Variants in TENM3 observed in about 807,000 individuals in gnomAD.
The protein encoded by TENM3 is teneurin-3.
In TENM3, 63 loss-of-function variants were observed where a neutral mutation model predicts 255.1. The ratio of observed to expected loss-of-function variants is 0.25; its 90% CI spans 0.20 to 0.30. The LOEUF (loss-of-function observed/expected upper bound fraction) is 0.30, where lower values mean the gene tolerates loss of function less well. TENM3 is among the 10% of genes least tolerant of loss of function. The pLI is 1.00. For synonymous variants in TENM3, 1,306 were observed against 1,322.3 expected, an observed-to-expected ratio of 0.99 and a Z score of 0.27; for missense variants, 2,929 against 3,461.1, an observed-to-expected ratio of 0.85 and a Z score of 3.86.
chr4:182,010,018 C>T, the TENM3 span, among the ~76,000 whole-genome samples: 101,629 of 151,966 alleles, frequency 0.67, 34,843 homozygotes, highest in Non-Finnish European at 0.74. Context: ...CCGTGGGTCC[C>T]GCCAGCTTTC....
chr4:181,627,827 T>C, the TENM3 span, among the ~76,000 whole-genome samples: 2 of 152,188 alleles, frequency 1.3e-5, no homozygotes, highest in African/African-American at 4.8e-5. Flanking sequence ...GGCAGCATGA[T>C]TTATAATCCT....
chr4:181,881,864 G>A, the TENM3 span, among the ~76,000 whole-genome samples: 1 of 152,128 alleles, frequency 6.6e-6, no homozygotes, highest in Admixed American at 6.5e-5. Context: ...TGGGCATCTA[G>A]ACCATAAAAA....
chr4:182,417,690 T>G (rs949977265), intron 3 of TENM3, among the ~76,000 whole-genome samples: 1 of 152,194 alleles, frequency 6.6e-6, no homozygotes, highest in African/African-American at 2.4e-5. Context: ...AAAATAGGTA[T>G]TAGGACAACA....
intron 1 of TENM3, among the ~76,000 whole-genome samples, chr4:182,307,763 G>A (rs1213578195): frequency 1.3e-5 from 2 of 152,142 alleles, no homozygotes; most frequent in African/African-American, 4.8e-5. Context: ...TTGTTGTTGT[G>A]GTTTAATATT....
chr4:182,251,401 C>T (rs2150117518), intron 1 of TENM3, among the ~76,000 whole-genome samples: 1 of 152,142 alleles, frequency 6.6e-6, no homozygotes, highest in East Asian at 1.9e-4. Flanking sequence ...CCAGGTGGTC[C>T]AGGTTGCGGT....
chr4:181,804,977 C>T, the TENM3 span, among the ~76,000 whole-genome samples: 4 of 152,144 alleles, frequency 2.6e-5, no homozygotes, highest in Non-Finnish European at 5.9e-5. Context: ...TCACCCGTCC[C>T]CTGATTCTCC....
chr4:182,720,625 A>G (rs936728556), intron 13 of TENM3, among the ~76,000 whole-genome samples: 56 of 152,342 alleles, frequency 3.7e-4, no homozygotes, highest in African/African-American at 1.3e-3. Context: ...AAGAACATCC[A>G]GCTTGTGCCC....
chr4:182,147,000 A>G (rs1329212347), intron 1 of TENM3, among the ~76,000 whole-genome samples: 2 of 152,176 alleles, frequency 1.3e-5, no homozygotes, highest in African/African-American at 2.4e-5. Context: ...GGTGAAGACA[A>G]AGAAAGATAA....
intron 1 of TENM3, among the ~76,000 whole-genome samples, chr4:182,175,694 G>A (rs1325384155): frequency 1.3e-5 from 2 of 152,158 alleles, no homozygotes; most frequent in Non-Finnish European, 2.9e-5. Flanking sequence ...CCACTGTAAG[G>A]CTTAGCCAAG....
chr4:181,643,302 G>T, the TENM3 span, among the ~76,000 whole-genome samples: 2 of 152,028 alleles, frequency 1.3e-5, no homozygotes, highest in Non-Finnish European at 2.9e-5. Flanking sequence ...CTCACGATTT[G>T]GCTCTCTGTT....
At chr4:181,470,040 C>T in the TENM3 span, among the ~76,000 whole-genome samples, 1 of 148,412 alleles carries the variant, frequency 6.7e-6, no homozygotes, top group Non-Finnish European at 1.5e-5. Flanking sequence ...CAACATGTGA[C>T]TGTGTCTTCT....
the TENM3 span, among the ~76,000 whole-genome samples, chr4:181,574,029 AG>A: frequency 1.3e-5 from 2 of 152,208 alleles, no homozygotes; most frequent in African/African-American, 2.4e-5. Context: ...ACAGAAATTG[AG>A]GACTCAGAAA....
intron 3 of TENM3, among the ~76,000 whole-genome samples, chr4:182,369,478 A>C (rs561029465): frequency 6.6e-6 from 1 of 152,314 alleles, no homozygotes; most frequent in South Asian, 2.1e-4. Flanking sequence ...CGTGCTTTGC[A>C]ATGAGAAGGA....
chr4:181,451,468 A>T, the TENM3 span, among the ~76,000 whole-genome samples: 1 of 152,218 alleles, frequency 6.6e-6, no homozygotes, highest in Non-Finnish European at 1.5e-5. Flanking sequence ...TCTATTAAAA[A>T]TCATCACACT....
chr4:182,268,162 G>A (rs906909401), intron 1 of TENM3, among the ~76,000 whole-genome samples: 25 of 152,148 alleles, frequency 1.6e-4, no homozygotes, highest in African/African-American at 6.0e-4. Flanking sequence ...TCCTCTTGTG[G>A]AATATATTGC....
At chr4:181,785,498 C>T in the TENM3 span, among the ~76,000 whole-genome samples, 2 of 152,066 alleles carry the variant, frequency 1.3e-5, no homozygotes, top group Non-Finnish European at 2.9e-5. Flanking sequence ...ACGCGTATTA[C>T]CATAATTAAT....
chr4:182,038,902 T>A, the TENM3 span, among the ~76,000 whole-genome samples: 1 of 151,974 alleles, frequency 6.6e-6, no homozygotes, highest in South Asian at 2.1e-4. Flanking sequence ...CCTGGCTAAT[T>A]TTGTATTTTC....
At chr4:181,630,774 A>G in the TENM3 span, among the ~76,000 whole-genome samples, 1 of 152,246 alleles carries the variant, frequency 6.6e-6, no homozygotes, top group South Asian at 2.1e-4. Flanking sequence ...GGTCAATTTT[A>G]GAATAAGTGT....
intron 19 of TENM3, among the ~76,000 whole-genome samples, chr4:182,747,876 G>T (rs1487407909): frequency 6.6e-6 from 1 of 152,120 alleles, no homozygotes; most frequent in Non-Finnish European, 1.5e-5. Context: ...ACAGTCTTTT[G>T]GTTACCATAA....
Sources: allele counts gnomAD v4.1 joint callset (sites outside exome capture counted in the v4.1 genomes callset), GRCh38; gene constraint gnomAD v4.1.1; transcripts MANE v1.5; gene names NCBI Gene and HGNC (gene_info 2026-07-23, HGNC 2026-07-21).